The following ST6GALNAC3 variants were observed in gnomAD, a reference collection of about 807,000 sequenced individuals.
ST6GALNAC3 encodes alpha-N-acetylgalactosaminide alpha-2,6-sialyltransferase 3.
A neutral mutation model predicts 32.7 loss-of-function variants in ST6GALNAC3; 25 were observed. The ratio of observed to expected loss-of-function variants is 0.76; its 90% confidence interval spans 0.56 to 1.07. ST6GALNAC3 has a LOEUF of 1.07. Ranked by LOEUF, ST6GALNAC3 falls within the 50% of genes least tolerant of loss-of-function variation. The probability of loss-of-function intolerance (pLI) is 0.00; values close to 1 mark genes in which losing one functional copy is unlikely to be tolerated. For synonymous variants in ST6GALNAC3, 129 were observed against 133.1 expected, an observed-to-expected ratio of 0.97 and a Z score of 0.21; for missense variants, 355 against 382.4, an observed-to-expected ratio of 0.93 and a Z score of 0.60.
chr1:76,311,035 G>A (rs760698772), intron 1 of ST6GALNAC3, among the ~76,000 whole-genome samples: 11 of 152,196 alleles, frequency 7.2e-5, no homozygotes, highest in Non-Finnish European at 1.2e-4. Flanking sequence ...TCCGTCAGCC[G>A]CTTCTGTCCT....
chr1:76,141,362 C>T (rs534135352), intron 1 of ST6GALNAC3, among the ~76,000 whole-genome samples: 2 of 152,214 alleles, frequency 1.3e-5, no homozygotes, highest in South Asian at 4.1e-4. Flanking sequence ...AGAAGTAGCC[C>T]CAGCACTGGC....
chr1:76,580,494 A>G (rs1279577181), intron 3 of ST6GALNAC3, among the ~76,000 whole-genome samples: 3 of 152,170 alleles, frequency 2.0e-5, no homozygotes, highest in Non-Finnish European at 2.9e-5. Context: ...GCCAGAACAC[A>G]TTAGTTTTCA....
intron 3 of ST6GALNAC3, among the ~76,000 whole-genome samples, chr1:76,591,336 A>G (rs1015154210): frequency 1.3e-5 from 2 of 152,060 alleles, no homozygotes; most frequent in Non-Finnish European, 2.9e-5. Flanking sequence ...AGTTATGTTT[A>G]TCTTTTATTT....
intron 3 of ST6GALNAC3, among the ~76,000 whole-genome samples, chr1:76,533,449 C>T (rs541053852): frequency 6.6e-6 from 1 of 152,276 alleles, no homozygotes; most frequent in East Asian, 1.9e-4. Flanking sequence ...CTGCCAGTCT[C>T]TTATTCTTCT....
At chr1:76,386,623 T>C (rs937294809) in intron 2 of ST6GALNAC3, among the ~76,000 whole-genome samples, 3 of 152,090 alleles carry the variant, frequency 2.0e-5, no homozygotes, top group African/African-American at 4.8e-5. Context: ...GATAATAACA[T>C]AGAGAGATAA....
chr1:76,443,057 G>A (rs1656727668), intron 3 of ST6GALNAC3, among the ~76,000 whole-genome samples: 1 of 152,108 alleles, frequency 6.6e-6, no homozygotes, highest in African/African-American at 2.4e-5. Flanking sequence ...TGTCTTCCTT[G>A]AAGTCTCCAT....
At chr1:76,440,316 A>G (rs1656483630) in intron 3 of ST6GALNAC3, among the ~76,000 whole-genome samples, 1 of 152,220 alleles carries the variant, frequency 6.6e-6, no homozygotes, top group Admixed American at 6.6e-5. Flanking sequence ...TTGTGACCCT[A>G]ATGTTTACAT....
chr1:76,508,009 T>G (rs959277083), intron 3 of ST6GALNAC3, among the ~76,000 whole-genome samples: 4 of 152,224 alleles, frequency 2.6e-5, no homozygotes, highest in African/African-American at 9.6e-5. Flanking sequence ...GGTTTTGATT[T>G]GGACTTTCCT....
At chr1:76,191,728 G>C (rs888128378) in intron 1 of ST6GALNAC3, among the ~76,000 whole-genome samples, 1 of 152,164 alleles carries the variant, frequency 6.6e-6, no homozygotes, top group Non-Finnish European at 1.5e-5. Flanking sequence ...TGGGGAGCTA[G>C]AGGGCTGAGA....
Position 76,560,717 on chromosome 1 carries a change from C to G in ST6GALNAC3, c.624-66735C>G, listed in dbSNP as rs561807833. On this transcript the variant is annotated intron_variant, in intron 3 of 4. Transcript: ENST00000328299. Reference sequence around the variant, plus strand: ...GGTGAAGATGTGGAGGAAAGGAAACCCTTGCACACTGTTGGTGGGAATGTA... The same window carrying G: ...GGTGAAGATGTGGAGGAAAGGAAACGCTTGCACACTGTTGGTGGGAATGTA... 3.3e-5 allele frequency among the ~76,000 whole-genome samples: 5 copies of G among 152,204 alleles called. No individual in the cohort carries two copies. In the East Asian group the frequency reaches 7.7e-4, roughly 24 times the overall value.
chr1:76,578,929 C>A (rs1457704879), intron 3 of ST6GALNAC3, among the ~76,000 whole-genome samples: 1 of 151,994 alleles, frequency 6.6e-6, no homozygotes, highest in Admixed American at 6.6e-5. Context: ...TGTGGGTGGA[C>A]ATACATATAT....
chr1:76,322,302 C>G (rs1403664853), intron 2 of ST6GALNAC3, among the ~76,000 whole-genome samples: 1 of 152,036 alleles, frequency 6.6e-6, no homozygotes, highest in Non-Finnish European at 1.5e-5. Flanking sequence ...TGGTATTAAC[C>G]AAATACCAAA....
At chr1:76,112,093 C>A (rs1193340279) in intron 1 of ST6GALNAC3, among the ~76,000 whole-genome samples, 6 of 147,116 alleles carry the variant, frequency 4.1e-5, no homozygotes, top group African/African-American at 7.5e-5. Context: ...CCCTCCCGGA[C>A]GGGGCGGCTG....
At chr1:76,392,024 G>C (rs1002065964) in intron 2 of ST6GALNAC3, among the ~76,000 whole-genome samples, 4 of 152,118 alleles carry the variant, frequency 2.6e-5, no homozygotes, top group African/African-American at 7.2e-5. Flanking sequence ...TTGACATTTT[G>C]AGTAGGATAA....
At chr1:76,619,412 G>A (rs1360176855) in intron 3 of ST6GALNAC3, among the ~76,000 whole-genome samples, 1 of 152,126 alleles carries the variant, frequency 6.6e-6, no homozygotes, top group Non-Finnish European at 1.5e-5. Flanking sequence ...CTCGTGATTT[G>A]TAACTTAGTT....
chr1:76,091,402 A>T (rs959673721), intron 1 of ST6GALNAC3, among the ~76,000 whole-genome samples: 2 of 152,194 alleles, frequency 1.3e-5, no homozygotes, highest in Non-Finnish European at 2.9e-5. Context: ...GAAGATGTAA[A>T]TTGGGAGGAG....
intron 3 of ST6GALNAC3, among the ~76,000 whole-genome samples, chr1:76,525,785 GTGTGTGTATATATATATATA>G (rs1662840511): frequency 1.4e-5 from 1 of 73,530 alleles, no homozygotes; most frequent in Non-Finnish European, 3.0e-5. Flanking sequence ...GTGTGTGTGT[GTGTGTGTATATATATATATA>G]TATATATATA....
chr1:76,152,950 G>A (rs183077391), intron 1 of ST6GALNAC3, among the ~76,000 whole-genome samples: 62 of 152,120 alleles, frequency 4.1e-4, no homozygotes, highest in African/African-American at 1.4e-3. Context: ...AAACCTTTAG[G>A]GATATTCCTA....
intron 2 of ST6GALNAC3, among the ~76,000 whole-genome samples, chr1:76,326,896 C>A (rs1326723528): frequency 1.3e-5 from 1 of 74,712 alleles, no homozygotes; most frequent in East Asian, 5.4e-4. Flanking sequence ...TTTCTCATTT[C>A]TTTTCAATAT....
Sources: gnomAD v4.1 joint callset for allele counts (sites outside exome capture counted in the v4.1 genomes callset) on GRCh38, gnomAD v4.1.1 for gene constraint, MANE v1.5 for transcripts, NCBI Gene and HGNC (gene_info 2026-07-23, HGNC 2026-07-21) for gene names.